IMMP2L: variants seen among roughly 807,000 people sequenced by gnomAD.
IMMP2L encodes the protein mitochondrial inner membrane protease subunit 2.
IMMP2L carries 18 observed loss-of-function variants against 19.3 expected under a neutral mutation model. The observed-to-expected ratio is 0.93, with a 90% confidence interval of 0.64 to 1.38. The LOEUF (loss-of-function observed/expected upper bound fraction) is 1.38. Ranked by LOEUF, IMMP2L falls within the 40% of genes most tolerant of loss-of-function variation. The pLI, the probability that IMMP2L is intolerant of heterozygous loss-of-function variation, is 0.00. For synonymous variants in IMMP2L, 76 were observed against 73.0 expected (o/e 1.04, Z -0.21); for missense variants, 233 against 218.2 (o/e 1.07, Z -0.43).
chr7:111,179,110 G>T (rs1807411962), intron 3 of IMMP2L, among the ~76,000 whole-genome samples: 1 of 151,928 alleles, frequency 6.6e-6, no homozygotes, highest in African/African-American at 2.4e-5. Flanking sequence ...TGTTGTGTTA[G>T]CAGGCATGAA....
chr7:111,039,646 T>A (rs1488141621), intron 3 of IMMP2L, among the ~76,000 whole-genome samples: 2 of 152,224 alleles, frequency 1.3e-5, no homozygotes, highest in Admixed American at 6.5e-5. Flanking sequence ...AACATGGTAG[T>A]GGTTTTTTTA....
chr7:111,515,224 G>A (rs1373007590), intron 2 of IMMP2L, among the ~76,000 whole-genome samples: 2 of 152,106 alleles, frequency 1.3e-5, no homozygotes, highest in African/African-American at 4.8e-5. Context: ...CCAGGCCACT[G>A]TAAATTAATA....
intron 3 of IMMP2L, among the ~76,000 whole-genome samples, chr7:111,111,299 T>TAAA (rs751990466): frequency 1.5e-4 from 14 of 92,244 alleles, no homozygotes; most frequent in African/African-American, 2.3e-4. Context: ...GTAGCAGTTG[T>TAAA]AAAAAAAAAA....
At chr7:110,910,837 C>G (rs1812981154) in intron 4 of IMMP2L, among the ~76,000 whole-genome samples, 1 of 152,076 alleles carries the variant, frequency 6.6e-6, no homozygotes, top group Non-Finnish European at 1.5e-5. Flanking sequence ...TTCTAAAACC[C>G]TGGTATTTGC....
At chr7:111,018,883 G>C (rs946657321) in intron 3 of IMMP2L, among the ~76,000 whole-genome samples, 4 of 150,020 alleles carry the variant, frequency 2.7e-5, no homozygotes, top group African/African-American at 9.8e-5. Context: ...CAATGGCATT[G>C]ATTTAAAAAA....
chr7:110,743,496 A>G (rs1199272944), intron 5 of IMMP2L, among the ~76,000 whole-genome samples: 2 of 152,182 alleles, frequency 1.3e-5, no homozygotes, highest in Admixed American at 1.3e-4. Context: ...CCAAATAGCA[A>G]CAGCTCTGGT....
chr7:111,140,791 TCGGCCA>T (rs1405811186), intron 3 of IMMP2L, among the ~76,000 whole-genome samples: 1 of 152,182 alleles, frequency 6.6e-6, no homozygotes, highest in Non-Finnish European at 1.5e-5. Flanking sequence ...TTAAGACTGT[TCGGCCA>T]TTTAAGAAGA....
At chr7:110,713,717 T>C (rs1795051298) in intron 5 of IMMP2L, among the ~76,000 whole-genome samples, 1 of 151,872 alleles carries the variant, frequency 6.6e-6, no homozygotes, top group Non-Finnish European at 1.5e-5. Flanking sequence ...AATGGGATTG[T>C]GTTCTTGCTT....
At chr7:111,538,816 TAA>T (rs768599585) in intron 1 of IMMP2L, among the ~76,000 whole-genome samples, 19 of 82,402 alleles carry the variant, frequency 2.3e-4, no homozygotes, top group African/African-American at 2.0e-4. Flanking sequence ...CTGGCTCATT[TAA>T]AAAAAAAAAA....
At chr7:111,548,342 C>T (rs1280380336) in intron 1 of IMMP2L, among the ~76,000 whole-genome samples, 2 of 152,042 alleles carry the variant, frequency 1.3e-5, no homozygotes, top group African/African-American at 4.8e-5. Context: ...TAACACCTAA[C>T]AGGAATTGTC....
At chr7:111,304,884 A>T (rs557342835) in intron 3 of IMMP2L, among the ~76,000 whole-genome samples, 1 of 152,158 alleles carries the variant, frequency 6.6e-6, no homozygotes, top group South Asian at 2.1e-4. Flanking sequence ...AACAACCAAC[A>T]CATTCAAAAA....
chr7:110,822,677 C>T (rs1335515819), intron 5 of IMMP2L, among the ~76,000 whole-genome samples: 1 of 152,040 alleles, frequency 6.6e-6, no homozygotes, highest in Non-Finnish European at 1.5e-5. Flanking sequence ...AATGTTTTCT[C>T]TAATCCTTAA....
chr7:111,050,158 G>A (rs180841578), intron 3 of IMMP2L, among the ~76,000 whole-genome samples: 1 of 152,298 alleles, frequency 6.6e-6, no homozygotes, highest in Admixed American at 6.5e-5. Context: ...AGCACTCACT[G>A]GATAATCCCA....
chr7:111,323,556 G>C (rs542960553), intron 3 of IMMP2L, among the ~76,000 whole-genome samples: 1 of 152,172 alleles, frequency 6.6e-6, no homozygotes, highest in African/African-American at 2.4e-5. Context: ...CTGTAAACTA[G>C]TTCAACCATT....
intron 5 of IMMP2L, among the ~76,000 whole-genome samples, chr7:110,823,847 T>C (rs1803238590): frequency 6.6e-6 from 1 of 152,090 alleles, no homozygotes; most frequent in African/African-American, 2.4e-5. Context: ...CTCAAAACAT[T>C]ATGGCTATTC....
intron 3 of IMMP2L, among the ~76,000 whole-genome samples, chr7:111,459,856 C>T (rs1839988030): frequency 6.6e-6 from 1 of 152,050 alleles, no homozygotes; most frequent in Non-Finnish European, 1.5e-5. Flanking sequence ...ACTGTCATTC[C>T]TAAGAAAGAA....
In IMMP2L at chr7:111,301,206, C is replaced by T. The variant is rs150451685; in HGVS notation, c.239+186032G>A. On this transcript the variant is annotated intron_variant, in intron 3 of 5. Transcript: ENST00000405709. Reference sequence around the variant, plus strand: ...CTCTCTAATGCCTAATGATGTTGTACGTCTTTTCATTGTACTTATTTGTCA... The same window carrying T: ...CTCTCTAATGCCTAATGATGTTGTATGTCTTTTCATTGTACTTATTTGTCA... Among the ~76,000 whole-genome samples the T allele has an allele frequency of 1.6e-4, 25 of 152,130 alleles. No individual in the cohort carries two copies. The East Asian group carries it at 3.7e-3, about 22-fold the overall frequency.
intron 4 of IMMP2L, among the ~76,000 whole-genome samples, chr7:110,940,666 C>T (rs917903006): frequency 6.6e-6 from 1 of 152,202 alleles, no homozygotes; most frequent in Non-Finnish European, 1.5e-5. Flanking sequence ...ATGAACTGAA[C>T]TCAGCTTTGA....
At chr7:111,283,475 A>G (rs1820125016) in intron 3 of IMMP2L, among the ~76,000 whole-genome samples, 1 of 152,194 alleles carries the variant, frequency 6.6e-6, no homozygotes, top group African/African-American at 2.4e-5. Flanking sequence ...TTCCCAAAGC[A>G]GGGAGGTGTT....
Sources: allele counts gnomAD v4.1 joint callset (sites outside exome capture counted in the v4.1 genomes callset), GRCh38; gene constraint gnomAD v4.1.1; transcripts MANE v1.5; gene names NCBI Gene and HGNC (gene_info 2026-07-23, HGNC 2026-07-21).